The following ZNF532 variants were observed in gnomAD, a reference collection of about 807,000 sequenced individuals.
The protein encoded by ZNF532 is zinc finger protein 532.
A neutral mutation model predicts 89.3 loss-of-function variants in ZNF532; 22 were observed. The observed-to-expected ratio is 0.25, with a 90% CI of 0.18 to 0.35. The LOEUF (loss-of-function observed/expected upper bound fraction) is 0.35. Ranked by LOEUF, ZNF532 falls within the 10% of genes least tolerant of loss-of-function variation. The pLI is 1.00. For missense variants in ZNF532, 1,132 were observed against 1,643.4 expected (o/e 0.69, Z 5.38); for synonymous variants, 606 against 649.6 (o/e 0.93, Z 1.02).
intron 5 of ZNF532, among the ~76,000 whole-genome samples, chr18:58,942,274 G>GCGTCA (rs2063193051): frequency 4.1e-5 from 6 of 145,636 alleles, no homozygotes; most frequent in Middle Eastern, 3.8e-3. Flanking sequence ...CGCCCACCTT[G>GCGTCA]GCCTCCCAAA....
intron 3 of ZNF532, among the ~76,000 whole-genome samples, chr18:58,927,304 C>T (rs1028480887): frequency 6.6e-6 from 1 of 152,052 alleles, no homozygotes; most frequent in Admixed American, 6.6e-5. Flanking sequence ...CTTGGCTGCA[C>T]CTCTACTTTG....
At chr18:58,957,752 T>G (rs1304361545) in intron 7 of ZNF532, among the ~76,000 whole-genome samples, 1 of 152,136 alleles carries the variant, frequency 6.6e-6, no homozygotes, top group Non-Finnish European at 1.5e-5. Context: ...GTAAAGATAT[T>G]CAGTAGCTTT....
chr18:58,925,561 T>G (rs2061456633), intron 3 of ZNF532, among the ~76,000 whole-genome samples: 1 of 152,240 alleles, frequency 6.6e-6, no homozygotes, highest in African/African-American at 2.4e-5. Flanking sequence ...TTTCGCCCAG[T>G]CTATAGCTTG....
intron 4 of ZNF532, among the ~76,000 whole-genome samples, chr18:58,936,454 C>T (rs1180728041): frequency 1.3e-5 from 2 of 152,160 alleles, no homozygotes; most frequent in African/African-American, 2.4e-5. Context: ...GGAAATATGA[C>T]TTCTTCAATT....
rs1198416145 is a variant in ZNF532 at position 58,985,457 on chromosome 18, T to C, written c.*991T>C. On this transcript the variant is annotated 3_prime_UTR_variant, in exon 10 of 10. Coordinates refer to ENST00000591808, the MANE Select transcript of ZNF532 (RefSeq NM_001375912.1). Reference sequence around the variant, plus strand: ...TGCTGTCAAAAGAGTTGGCGTTTCCTGTTCTGGGTGCTACTGCCAAACGTT... The same window carrying C: ...TGCTGTCAAAAGAGTTGGCGTTTCCCGTTCTGGGTGCTACTGCCAAACGTT... 2 of 152,652 alleles carry C rather than the reference T, an allele frequency of 1.3e-5. No individual in the cohort carries two copies. The highest frequency in any genetic ancestry group is 4.8e-5 in the African/African-American group (2 of 41,462). The allele number at this position is 152,652 out of a possible 1,614,324, so 9.5% of individuals were successfully genotyped here.
intron 7 of ZNF532, among the ~76,000 whole-genome samples, chr18:58,978,638 G>GT (rs1200300180): frequency 3.3e-5 from 5 of 152,052 alleles, no homozygotes; most frequent in Non-Finnish European, 7.4e-5. Context: ...TTTTTAAAAA[G>GT]TTTTTTGGTT....
chr18:58,946,286 A>G (rs1279585262), intron 5 of ZNF532, among the ~76,000 whole-genome samples: 3 of 140,330 alleles, frequency 2.1e-5, no homozygotes, highest in African/African-American at 5.4e-5. Context: ...AAAAATCTTC[A>G]TATAGTTTTT....
intron 3 of ZNF532, among the ~76,000 whole-genome samples, chr18:58,933,894 T>C (rs2062158665): frequency 6.6e-6 from 1 of 152,210 alleles, no homozygotes; most frequent in South Asian, 2.1e-4. Context: ...AGATCATCCA[T>C]TTAAAGGCCA....
intron 2 of ZNF532, among the ~76,000 whole-genome samples, chr18:58,917,968 C>T (rs2060725940): frequency 6.6e-6 from 1 of 152,146 alleles, no homozygotes; most frequent in Admixed American, 6.5e-5. Flanking sequence ...GTTGCTACAC[C>T]AGAACCTGTT....
chr18:58,888,714 T>A lies in ZNF532; in HGVS notation c.-18+23135T>A, dbSNP rs1353379064. Among the ~76,000 whole-genome samples the A allele has an allele frequency of 1.6e-3, 81 of 50,308 alleles. 5 individuals are homozygous for A. The highest frequency in any genetic ancestry group is 9.5e-3 in the African/African-American group (80 of 8,414). 33.0% of individuals were successfully genotyped at this position (50,308 alleles called of 152,430 possible). A position where few individuals can be genotyped will look rare whatever the true frequency, so the allele number is the denominator to read the frequency against. On this transcript the variant is annotated intron_variant, in intron 2 of 9. Coordinates refer to ENST00000591808, the MANE Select transcript of ZNF532 (RefSeq NM_001375912.1). The stretch of plus-strand genomic sequence containing the variant: ...AAAAAAAATTATATATATATATATA[T>A]ATATATATATAAATTATATATATAT...
In ZNF532 at chr18:58,951,650, T is replaced by TTTTTTTTGG. The variant is rs1426950031; in HGVS notation, c.2869-1861_2869-1860insGGTTTTTTT. On this transcript the variant is annotated intron_variant, in intron 6 of 9. Coordinates refer to ENST00000591808, the MANE Select transcript of ZNF532 (RefSeq NM_001375912.1). ...CACCTCAGCCCTCGCCCTGTTGTTT[T>TTTTTTTTGG]TTTTTTTTTTTTTTTTTGAGATGGA... is the stretch of plus-strand genomic sequence containing the variant. Among the ~76,000 whole-genome samples the TTTTTTTTGG allele has an allele frequency of 6.5e-5, 9 of 139,138 alleles. 2 individuals carry two copies. Among genetic ancestry groups the TTTTTTTTGG allele is most frequent in the Non-Finnish European group, 6.2e-5 (4 of 64,886 alleles). The allele number at this position is 139,138 out of a possible 152,430, so 91.3% of individuals were successfully genotyped here. A position where few individuals can be genotyped will look rare whatever the true frequency, so the allele number is the denominator to read the frequency against.
rs1437095370 is a variant in ZNF532 at position 58,920,722 on chromosome 18, G to A, written c.2346+89G>A. 7 of 1,006,144 alleles carry A rather than the reference G, an allele frequency of 7.0e-6. No individual in the cohort carries two copies. In the Admixed American group the frequency reaches 9.2e-5, roughly 13 times the overall value. The allele number at this position is 1,006,144 out of a possible 1,614,324, so 62.3% of individuals were successfully genotyped here. ...ATGCCCTTGATTTTAGGGTGGGAAT[G>A]CAGTGAAATGGACGTGTGTGTGTGT... On this transcript the variant is annotated intron_variant, in intron 3 of 9. Transcript: ENST00000591808.
Position 58,984,896 on chromosome 18 carries a change from T to C in ZNF532, c.*430T>C, listed in dbSNP as rs929699004. The C allele has an allele frequency of 6.2e-6, 1 of 161,134 alleles. No homozygotes were observed. The highest frequency in any genetic ancestry group is 2.4e-5 in the African/African-American group (1 of 41,490). The allele number at this position is 161,134 out of a possible 1,614,324, so 10.0% of individuals were successfully genotyped here. A position where few individuals can be genotyped will look rare whatever the true frequency, so the allele number is the denominator to read the frequency against. ...AAAATAATGCCTTTTTTAGTGTTTT[T>C]AATTTTTAGAATTCACTACATAAAT... On this transcript the variant is annotated 3_prime_UTR_variant, in exon 10 of 10. Transcript: ENST00000591808.
chr18:58,888,809 A>AT lies in ZNF532; in HGVS notation c.-18+23230_-18+23231insT, dbSNP rs1491259761. ...TAAAATATATATAATTTATATATAT[A>AT]AAAAATTATATATATAAATTATATA... On this transcript the variant is annotated intron_variant, in intron 2 of 9. Coordinates refer to ENST00000591808, the MANE Select transcript of ZNF532 (RefSeq NM_001375912.1). 1.6e-3 allele frequency among the ~76,000 whole-genome samples: 69 copies of AT among 42,142 alleles called. 6 individuals are homozygous for AT. The South Asian group carries it at 0.042, about 25-fold the overall frequency. The allele number at this position is 42,142 out of a possible 152,430, so 27.6% of individuals were successfully genotyped here. A position where few individuals can be genotyped will look rare whatever the true frequency, so the allele number is the denominator to read the frequency against.
chr18:58,905,823 A>T (rs572134049), intron 2 of ZNF532, among the ~76,000 whole-genome samples: 1 of 152,226 alleles, frequency 6.6e-6, no homozygotes, highest in East Asian at 1.9e-4. Flanking sequence ...CTAGGATATC[A>T]CATTACATTT....
At chr18:58,907,886 C>T (rs1310027272) in intron 2 of ZNF532, among the ~76,000 whole-genome samples, 1 of 152,172 alleles carries the variant, frequency 6.6e-6, no homozygotes, top group Non-Finnish European at 1.5e-5. Flanking sequence ...ACCTTCTTTC[C>T]TTCTTTTGCT....
chr18:58,882,205 C>G (rs1053849724), intron 2 of ZNF532, among the ~76,000 whole-genome samples: 50 of 152,190 alleles, frequency 3.3e-4, no homozygotes, highest in African/African-American at 1.2e-3. Flanking sequence ...ATTTCTATGG[C>G]ATGAAACTTT....
At chr18:58,875,848 C>T (rs2057377428) in intron 2 of ZNF532, among the ~76,000 whole-genome samples, 1 of 151,440 alleles carries the variant, frequency 6.6e-6, no homozygotes, top group Admixed American at 6.6e-5. Flanking sequence ...CAGTTTGCTG[C>T]TGGTGTTCCG....
intron 7 of ZNF532, among the ~76,000 whole-genome samples, chr18:58,969,873 CTTTTTTTT>C (rs10617418): frequency 4.7e-5 from 4 of 84,750 alleles, no homozygotes; most frequent in African/African-American, 1.1e-4. Flanking sequence ...ATATTTGTCC[CTTTTTTTT>C]TTTTTTTTTT....
Sources: allele counts gnomAD v4.1 joint callset (sites outside exome capture counted in the v4.1 genomes callset), GRCh38; gene constraint gnomAD v4.1.1; transcripts MANE v1.5; gene names NCBI Gene and HGNC (gene_info 2026-07-23, HGNC 2026-07-21).